Variants in GLIS3 observed in about 807,000 individuals in gnomAD.
GLIS3 encodes the protein GLIS family zinc finger 3, also known as zinc finger protein GLIS3.
A neutral mutation model predicts 78.6 loss-of-function variants in GLIS3; 53 were observed. The observed-to-expected ratio is 0.67, with a 90% CI of 0.54 to 0.85. GLIS3 has a LOEUF of 0.85. GLIS3 is among the 40% of genes least tolerant of loss of function. GLIS3 has a pLI of 0.00. For missense variants in GLIS3, 1,703 were observed against 1,231.1 expected, an observed-to-expected ratio of 1.38 and a Z score of -5.74; for synonymous variants, 684 against 509.9, an observed-to-expected ratio of 1.34 and a Z score of -4.60.
chr9:4,301,920 A>G (rs1480623052), upstream of GLIS3, among the ~76,000 whole-genome samples: 1 of 152,032 alleles, frequency 6.6e-6, no homozygotes, highest in Admixed American at 6.5e-5. Context: ...TTTAGGTGTG[A>G]TTTTCATGAA....
intron 4 of GLIS3, among the ~76,000 whole-genome samples, chr9:3,987,639 G>A (rs1819850267): frequency 6.6e-6 from 1 of 150,504 alleles, no homozygotes; most frequent in Non-Finnish European, 1.5e-5. Context: ...AGAGGTTACA[G>A]TGAGCCAAGA....
chr9:4,067,991 A>G (rs1827247149), intron 4 of GLIS3, among the ~76,000 whole-genome samples: 1 of 152,152 alleles, frequency 6.6e-6, no homozygotes, highest in Non-Finnish European at 1.5e-5. Flanking sequence ...TCCTCAGAAT[A>G]TATAAAGTCA....
rs1423492467 is a variant in GLIS3, at chr9:3,836,193, G to C, written c.2474-6701C>G. On this transcript the variant is annotated intron_variant, in intron 9 of 10. Transcript: ENST00000381971. ...GCAGATTTCCTGCCGTTGGTGCTAAGCAGTTTGTGCCTGGGTAGAAGAATA... is the reference window on the plus strand; with the variant it reads ...GCAGATTTCCTGCCGTTGGTGCTAACCAGTTTGTGCCTGGGTAGAAGAATA... Among the ~76,000 whole-genome samples, 38 of 152,218 alleles carry C rather than the reference G, an allele frequency of 2.5e-4. 1 individual carries two copies. The highest frequency in any genetic ancestry group is 5.9e-5 in the Non-Finnish European group (4 of 68,042).
chr9:4,332,646 A>G (rs1817702703), intron 2 of GLIS3, among the ~76,000 whole-genome samples: 1 of 152,190 alleles, frequency 6.6e-6, no homozygotes, highest in Admixed American at 6.5e-5. Flanking sequence ...CTCACTCTAA[A>G]CTACCAACCT....
At chr9:4,285,878 C>A in intron 2 of GLIS3, 160 bp downstream of exon 2, 1 of 839,052 alleles carries the variant, frequency 1.2e-6, no homozygotes, top group Non-Finnish European at 2.0e-6. Context: ...CACATACACA[C>A]CCATTCCCTT....
chr9:3,994,376 C>G (rs934908853), intron 4 of GLIS3, among the ~76,000 whole-genome samples: 1 of 152,140 alleles, frequency 6.6e-6, no homozygotes, highest in Non-Finnish European at 1.5e-5. Context: ...GGAATGCTGG[C>G]AAGAGAGGCT....
At chr9:4,174,241 C>A (rs996989520) in intron 2 of GLIS3, among the ~76,000 whole-genome samples, 1 of 152,134 alleles carries the variant, frequency 6.6e-6, no homozygotes, top group Non-Finnish European at 1.5e-5. Flanking sequence ...CATTTAAGTC[C>A]TTGTTATCAG....
At chr9:4,457,583 C>T in the GLIS3 span, among the ~76,000 whole-genome samples, 4 of 151,898 alleles carry the variant, frequency 2.6e-5, no homozygotes, top group African/African-American at 2.4e-5. Flanking sequence ...CGTGGTGGCT[C>T]ACATCTGTAA....
intron 4 of GLIS3, among the ~76,000 whole-genome samples, chr9:3,953,023 A>C (rs1816806137): frequency 2.0e-5 from 3 of 152,190 alleles, no homozygotes; most frequent in Admixed American, 2.0e-4. Flanking sequence ...TTCAGATATT[A>C]ATAAAGATGT....
In GLIS3 at chr9:3,899,883, A is replaced by G. The variant is rs536023920; in HGVS notation, c.1984-1048T>C. 5.9e-5 allele frequency among the ~76,000 whole-genome samples: 9 copies of G among 152,348 alleles called. 1 individual carries two copies. In the South Asian group the frequency reaches 1.9e-3, roughly 32 times the overall value. ...TCAGATGGTGATAAATGCTATGGAG[A>G]AAAGTGATGCGGAGAAGCGAGACAG... On this transcript the variant is annotated intron_variant, in intron 6 of 10. Transcript: ENST00000381971.
chr9:4,240,983 A>G (rs1823254430), intron 2 of GLIS3, among the ~76,000 whole-genome samples: 1 of 152,122 alleles, frequency 6.6e-6, no homozygotes, highest in Non-Finnish European at 1.5e-5. Context: ...ACGTGTGTAC[A>G]TATTTTAAAC....
intron 2 of GLIS3, among the ~76,000 whole-genome samples, chr9:4,261,288 G>A (rs1282306722): frequency 6.6e-6 from 1 of 152,102 alleles, no homozygotes; most frequent in Non-Finnish European, 1.5e-5. Context: ...TTTCCTCTGG[G>A]GATACATGAG....
At chr9:4,127,079 C>G (rs1473123598) in intron 2 of GLIS3, among the ~76,000 whole-genome samples, 1 of 152,114 alleles carries the variant, frequency 6.6e-6, no homozygotes, top group Non-Finnish European at 1.5e-5. Context: ...AACAATAGAA[C>G]AAACAAGACA....
intron 4 of GLIS3, among the ~76,000 whole-genome samples, chr9:4,102,343 T>A (rs2130804908): frequency 6.6e-6 from 1 of 152,310 alleles, no homozygotes; most frequent in African/African-American, 2.4e-5. Flanking sequence ...CGAAGTGGTT[T>A]TTTAAGCCAA....
At chr9:3,832,276 T>A (rs574612034) in intron 9 of GLIS3, among the ~76,000 whole-genome samples, 41 of 151,590 alleles carry the variant, frequency 2.7e-4, no homozygotes, top group African/African-American at 9.4e-4. Flanking sequence ...AATTATTTTA[T>A]AATGACTGTA....
intron 4 of GLIS3, among the ~76,000 whole-genome samples, chr9:3,937,849 A>G (rs1002859657): frequency 8.5e-5 from 13 of 152,178 alleles, no homozygotes; most frequent in African/African-American, 3.1e-4. Flanking sequence ...GTGTGAAATC[A>G]TTTTCCAAAA....
chr9:3,985,258 T>A (rs1227450892), intron 4 of GLIS3, among the ~76,000 whole-genome samples: 1 of 152,162 alleles, frequency 6.6e-6, no homozygotes, highest in Non-Finnish European at 1.5e-5. Context: ...TCCTCCCACC[T>A]CAGCCTCCTG....
intron 6 of GLIS3, among the ~76,000 whole-genome samples, chr9:3,899,374 C>A (rs4740744): frequency 0.98 from 149,291 of 152,118 alleles, 73,310 homozygotes; most frequent in Middle Eastern, 1. Flanking sequence ...CTCCAACAGT[C>A]AGTTACATAA....
At chr9:4,349,268 C>T (rs1426673132), upstream of GLIS3, among the ~76,000 whole-genome samples, 1 of 152,130 alleles carries the variant, frequency 6.6e-6, no homozygotes, top group Non-Finnish European at 1.5e-5. Context: ...GAACTGCAGA[C>T]TAATGTTATT....
Sources: gnomAD v4.1 joint callset for allele counts (sites outside exome capture counted in the v4.1 genomes callset) on GRCh38, gnomAD v4.1.1 for gene constraint, MANE v1.5 for transcripts, NCBI Gene and HGNC (gene_info 2026-07-23, HGNC 2026-07-21) for gene names.